Variants in ABHD2 observed in about 807,000 individuals in gnomAD.
The protein encoded by ABHD2 is monoacylglycerol lipase ABHD2.
ABHD2 carries 20 observed loss-of-function variants against 48.1 expected under a neutral mutation model. The observed-to-expected ratio is 0.42, with a 90% CI of 0.29 to 0.60. The LOEUF is 0.60. ABHD2 is among the 20% of genes least tolerant of loss of function. ABHD2 has a pLI of 0.24. For missense variants in ABHD2, 405 were observed against 550.9 expected (o/e 0.74, Z 2.65); for synonymous variants, 209 against 214.2 (o/e 0.98, Z 0.21).
At chr15:89,171,010 C>G (rs7166998) in intron 5 of ABHD2, among the ~76,000 whole-genome samples, 92,622 of 151,834 alleles carry the variant, frequency 0.61, 30,090 homozygotes, top group East Asian at 0.82. Context: ...CAGCTACTCA[C>G]GAGGCTGAGG....
At chr15:89,149,366 T>C (rs563358006) in intron 3 of ABHD2, among the ~76,000 whole-genome samples, 1 of 152,236 alleles carries the variant, frequency 6.6e-6, no homozygotes, top group Non-Finnish European at 1.5e-5. Flanking sequence ...ATATTATTTT[T>C]AAATATATTT....
chr15:89,136,234 G>A (rs547536826), intron 3 of ABHD2: 94 of 326,236 alleles, frequency 2.9e-4, no homozygotes, highest in Non-Finnish European at 5.2e-4. Context: ...CAGCCTGAAC[G>A]TCTTTTTTGT....
Position 89,188,383 on chromosome 15 carries a change from T to A in ABHD2, c.926+80T>A. 2 of 1,266,018 alleles carry A rather than the reference T, an allele frequency of 1.6e-6. No individual in the cohort carries two copies. Among genetic ancestry groups the A allele is most frequent in the Non-Finnish European group, 2.3e-6 (2 of 876,044 alleles). 78.4% of individuals were successfully genotyped at this position (1,266,018 alleles called of 1,614,324 possible). A position where few individuals can be genotyped will look rare whatever the true frequency, so the allele number is the denominator to read the frequency against. On this transcript the variant is annotated intron_variant, in intron 8 of 10. Coordinates refer to ENST00000352732, the MANE Select transcript of ABHD2 (RefSeq NM_152924.5). This position sits in a 1 kb window ranked among gnomAD's most constrained non-coding sequence, Gnocchi z 4.1. ...GCTGCAGGTCAGCTGTGCCCAGCAC[T>A]AGTGTTTGCTCTGCCTACTTGAGTG... is the stretch of plus-strand genomic sequence containing the variant.
At chr15:89,139,067 T>C (rs915920041) in intron 3 of ABHD2, among the ~76,000 whole-genome samples, 4 of 151,848 alleles carry the variant, frequency 2.6e-5, no homozygotes, top group African/African-American at 9.7e-5. Context: ...AAAAATTAAC[T>C]GGGCATGGTG....
At chr15:89,069,398 G>A in the ABHD2 span, among the ~76,000 whole-genome samples, 9 of 152,054 alleles carry the variant, frequency 5.9e-5, no homozygotes, top group African/African-American at 1.9e-4. Context: ...AAGTAACTGG[G>A]ATTACAGGCA....
At position 89,127,735 on chromosome 15, in the gene ABHD2, ATATATG is replaced by A. The variant is rs60934081; in HGVS notation, c.194+11220_194+11225del. Among the ~76,000 whole-genome samples the A allele has an allele frequency of 2.2e-3, 317 of 142,310 alleles. 7 individuals are homozygous for A. Among genetic ancestry groups the A allele is most frequent in the South Asian group, 6.2e-3 (28 of 4,496 alleles). 93.4% of individuals were successfully genotyped at this position (142,310 alleles called of 152,430 possible). A position where few individuals can be genotyped will look rare whatever the true frequency, so the allele number is the denominator to read the frequency against. ...TATATATATACACATATATATATAT[ATATATG>A]TATATTTTAAAAATTAGTCAATTAG... On this transcript the variant is annotated intron_variant, in intron 3 of 10. Coordinates refer to ENST00000352732, the MANE Select transcript of ABHD2 (RefSeq NM_152924.5).
At chr15:89,080,235 T>A in the ABHD2 span, among the ~76,000 whole-genome samples, 1 of 152,002 alleles carries the variant, frequency 6.6e-6, no homozygotes, top group Admixed American at 6.6e-5. Flanking sequence ...GGTGCAGAGG[T>A]TTTGCCCAAG....
chr15:89,149,357 T>C (rs1664391016), intron 3 of ABHD2, among the ~76,000 whole-genome samples: 1 of 152,216 alleles, frequency 6.6e-6, no homozygotes. Context: ...TTATGGCACA[T>C]ATTATTTTTA....
At chr15:89,113,087 T>G (rs1273640760) in intron 1 of ABHD2, among the ~76,000 whole-genome samples, 1 of 152,206 alleles carries the variant, frequency 6.6e-6, no homozygotes, top group East Asian at 1.9e-4. Context: ...TTTTAGCAGC[T>G]TCTTGCACTA....
rs1170959165 is a variant in ABHD2 at position 89,120,814 on chromosome 15, T to C, written c.194+4293T>C. 6.6e-6 allele frequency: 1 copy of C among 151,174 alleles called. No homozygotes were observed. Among genetic ancestry groups the C allele is most frequent in the African/African-American group, 2.4e-5 (1 of 41,132 alleles). The allele number at this position is 151,174 out of a possible 1,614,324, so 9.4% of individuals were successfully genotyped here. Reference sequence around the variant, plus strand: ...GCTCTTTTGGAATTTGTCTAACAGGTTTTTCAGTTTTTAGCAGAAAACCTC... The same window carrying C: ...GCTCTTTTGGAATTTGTCTAACAGGCTTTTCAGTTTTTAGCAGAAAACCTC... On this transcript the variant is annotated intron_variant, in intron 3 of 10. Transcript: ENST00000352732. This position sits in a 1 kb window ranked among gnomAD's most constrained non-coding sequence, Gnocchi z 4.2.
rs965707720 is a variant in ABHD2, at chr15:89,188,117, T to G, written c.816-76T>G. On this transcript the variant is annotated intron_variant, in intron 7 of 10. Transcript: ENST00000352732. This position sits in a 1 kb window ranked among gnomAD's most constrained non-coding sequence, Gnocchi z 4.1. Reference sequence around the variant, plus strand: ...GTTGGCTCTCCCTCCTGGCTTGCTGTGGCAAGGAAGCAGGCTATGCCATGG... The same window carrying G: ...GTTGGCTCTCCCTCCTGGCTTGCTGGGGCAAGGAAGCAGGCTATGCCATGG... The G allele has an allele frequency of 5.7e-5, 75 of 1,326,436 alleles. No individual in the cohort carries two copies. The highest frequency in any genetic ancestry group is 7.5e-5 in the Non-Finnish European group (69 of 925,830). 82.2% of individuals were successfully genotyped at this position (1,326,436 alleles called of 1,614,324 possible).
chr15:89,063,078 G>A, the ABHD2 span, among the ~76,000 whole-genome samples: 2 of 149,594 alleles, frequency 1.3e-5, no homozygotes, highest in Non-Finnish European at 3.0e-5. Context: ...GGTGACTCTC[G>A]TGCCTCAGCC....
the ABHD2 span, among the ~76,000 whole-genome samples, chr15:89,050,656 A>G: frequency 1.3e-5 from 2 of 152,076 alleles, no homozygotes; most frequent in Non-Finnish European, 2.9e-5. Context: ...ATCTGCTGGG[A>G]TGGGAGGTGG....
At chr15:89,078,461 G>T in the ABHD2 span, among the ~76,000 whole-genome samples, 2 of 152,270 alleles carry the variant, frequency 1.3e-5, no homozygotes, top group South Asian at 2.1e-4. Flanking sequence ...TAAACAGATC[G>T]TTGCATTTGG....
intron 5 of ABHD2, among the ~76,000 whole-genome samples, chr15:89,156,396 C>T (rs941866994): frequency 1.3e-5 from 2 of 152,018 alleles, no homozygotes; most frequent in Non-Finnish European, 2.9e-5. Flanking sequence ...GCTGGGATTA[C>T]AGGCATGAGC....
At chr15:89,122,329 C>T (rs763920686) in intron 3 of ABHD2, among the ~76,000 whole-genome samples, 2 of 152,144 alleles carry the variant, frequency 1.3e-5, no homozygotes, top group African/African-American at 4.8e-5. Context: ...AATCAAGAGC[C>T]GCATACCTGG....
the ABHD2 span, among the ~76,000 whole-genome samples, chr15:89,063,761 A>G: frequency 5.1e-4 from 77 of 152,208 alleles, no homozygotes; most frequent in Middle Eastern, 3.4e-3. Context: ...ATCTTCTCCA[A>G]CTGAAACTCT....
chr15:89,140,596 GAC>G (rs1291275777), intron 3 of ABHD2, among the ~76,000 whole-genome samples: 1 of 151,708 alleles, frequency 6.6e-6, no homozygotes, highest in Admixed American at 6.6e-5. Context: ...CACACACACA[GAC>G]ACACACATAC....
chr15:89,101,848 C>T (rs896564019), intron 1 of ABHD2, among the ~76,000 whole-genome samples: 10 of 152,158 alleles, frequency 6.6e-5, no homozygotes, highest in Non-Finnish European at 1.2e-4. Flanking sequence ...CAGTGGGGCT[C>T]AAATGGTGAA....
Sources: allele counts gnomAD v4.1 joint callset (sites outside exome capture counted in the v4.1 genomes callset), GRCh38; gene constraint gnomAD v4.1.1; non-coding constraint Gnocchi (gnomAD v3.1); transcripts MANE v1.5; gene names NCBI Gene and HGNC (gene_info 2026-07-23, HGNC 2026-07-21).